NFIB: variants seen among roughly 807,000 people sequenced by gnomAD.
The protein encoded by NFIB is nuclear factor 1 B-type.
NFIB carries 11 observed loss-of-function variants against 61.5 expected under a neutral mutation model. The observed-to-expected ratio is 0.18, with a 90% CI of 0.11 to 0.30. NFIB has a LOEUF of 0.30. NFIB is among the 10% of genes least tolerant of loss of function. The pLI is 1.00. For missense variants in NFIB, 471 were observed against 608.9 expected (o/e 0.77, Z 2.38); for synonymous variants, 260 against 216.5 (o/e 1.20, Z -1.76).
chr9:14,494,145 A>T, the NFIB span, among the ~76,000 whole-genome samples: 3 of 152,178 alleles, frequency 2.0e-5, no homozygotes, highest in Non-Finnish European at 4.4e-5. Flanking sequence ...TCAGTCCTCC[A>T]CTCATTAGGC....
At chr9:14,298,916 A>G (rs2132628072) in intron 2 of NFIB, among the ~76,000 whole-genome samples, 1 of 152,330 alleles carries the variant, frequency 6.6e-6, no homozygotes, top group East Asian at 1.9e-4. Flanking sequence ...AGGGTTCCTG[A>G]CACCAAGGCC....
chr9:14,410,032 C>A, the NFIB span, among the ~76,000 whole-genome samples: 1 of 152,028 alleles, frequency 6.6e-6, no homozygotes, highest in Non-Finnish European at 1.5e-5. Flanking sequence ...ACAGGAATGT[C>A]TTTTATGTGC....
chr9:14,093,965 C>G (rs912626726), intron 10 of NFIB, among the ~76,000 whole-genome samples: 2 of 152,064 alleles, frequency 1.3e-5, no homozygotes, highest in African/African-American at 4.8e-5. Flanking sequence ...TTGCCAGGTA[C>G]TGTTCTACAT....
intron 2 of NFIB, among the ~76,000 whole-genome samples, chr9:14,228,484 G>A (rs1031698675): frequency 6.6e-6 from 1 of 152,016 alleles, no homozygotes; most frequent in African/African-American, 2.4e-5. Context: ...ATCCGGCCAC[G>A]ATTCTTAATA....
chr9:14,391,991 G>T (rs2061627835), intron 1 of NFIB, among the ~76,000 whole-genome samples: 1 of 152,188 alleles, frequency 6.6e-6, no homozygotes, highest in Non-Finnish European at 1.5e-5. Context: ...GTTTGCTGAA[G>T]ACCCAGGTGG....
the NFIB span, among the ~76,000 whole-genome samples, chr9:14,466,685 C>A: frequency 6.6e-6 from 1 of 152,204 alleles, no homozygotes; most frequent in African/African-American, 2.4e-5. Context: ...CCTCTGCCCC[C>A]CAGGGTCTGC....
At chr9:14,467,520 G>C in the NFIB span, among the ~76,000 whole-genome samples, 1 of 152,084 alleles carries the variant, frequency 6.6e-6, no homozygotes, top group Non-Finnish European at 1.5e-5. Context: ...CTCTTACTGG[G>C]GTGAAGGGAT....
chr9:14,428,779 G>T, the NFIB span, among the ~76,000 whole-genome samples: 6 of 152,184 alleles, frequency 3.9e-5, no homozygotes, highest in Non-Finnish European at 1.5e-5. Flanking sequence ...ATTGCAGGTG[G>T]AGTCTGGTCC....
At chr9:14,201,672 T>C (rs1316959673) in intron 2 of NFIB, among the ~76,000 whole-genome samples, 2 of 152,142 alleles carry the variant, frequency 1.3e-5, no homozygotes, top group East Asian at 3.9e-4. Context: ...TGTGACCTCC[T>C]GTATCCCAAC....
intron 1 of NFIB, chr9:14,322,083 A>C: frequency 3.2e-5 from 1 of 31,006 alleles, no homozygotes; most frequent in African/African-American, 6.4e-5. Flanking sequence ...AGTTAAAAAA[A>C]AAAAAAAAAA....
chr9:14,339,541 T>C (rs551958754), intron 1 of NFIB, among the ~76,000 whole-genome samples: 2 of 152,350 alleles, frequency 1.3e-5, no homozygotes, highest in South Asian at 4.1e-4. Context: ...TGGCTCTTGC[T>C]GCTCTCACTG....
chr9:14,229,884 C>T (rs1310804452), intron 2 of NFIB, among the ~76,000 whole-genome samples: 1 of 152,214 alleles, frequency 6.6e-6, no homozygotes, highest in East Asian at 1.9e-4. Context: ...TCACCACAAC[C>T]TCCGCCTCCC....
intron 8 of NFIB, among the ~76,000 whole-genome samples, chr9:14,118,382 A>G (rs764913308): frequency 6.6e-5 from 10 of 152,124 alleles, no homozygotes; most frequent in African/African-American, 2.2e-4. Flanking sequence ...GCCACCAAAT[A>G]TATTATCCTA....
At chr9:14,316,536 G>C (rs760897917), upstream of NFIB, among the ~76,000 whole-genome samples, 15 of 152,248 alleles carry the variant, frequency 9.9e-5, no homozygotes, top group Non-Finnish European at 1.8e-4. Context: ...AATTTCCTTT[G>C]TGCGGGTCAT....
At chr9:14,295,630 C>CAA (rs1281952239) in intron 2 of NFIB, among the ~76,000 whole-genome samples, 1 of 99,418 alleles carries the variant, frequency 1.0e-5, no homozygotes, top group Non-Finnish European at 2.2e-5. Context: ...GACTCCTTCT[C>CAA]AAAAAACAAA....
chr9:14,320,841 T>G (rs1229019021), intron 1 of NFIB, among the ~76,000 whole-genome samples: 7 of 152,188 alleles, frequency 4.6e-5, no homozygotes, highest in Non-Finnish European at 8.8e-5. Context: ...TATTGGAAGT[T>G]AAAGTTACAA....
At chr9:14,366,191 C>T (rs2061297889) in intron 1 of NFIB, among the ~76,000 whole-genome samples, 1 of 152,186 alleles carries the variant, frequency 6.6e-6, no homozygotes, top group Admixed American at 6.5e-5. Context: ...TGAATCTGGG[C>T]ATCGTCCCAG....
chr9:14,450,230 T>C, the NFIB span, among the ~76,000 whole-genome samples: 6 of 152,128 alleles, frequency 3.9e-5, no homozygotes, highest in Admixed American at 2.6e-4. Context: ...TTTGGTTTTC[T>C]GTCCTTGTGA....
At chr9:14,408,187 C>G in the NFIB span, among the ~76,000 whole-genome samples, 3 of 152,156 alleles carry the variant, frequency 2.0e-5, no homozygotes, top group African/African-American at 7.2e-5. Context: ...AATCCAATAA[C>G]ATGAGCCACG....
Sources: allele counts gnomAD v4.1 joint callset (sites outside exome capture counted in the v4.1 genomes callset), GRCh38; gene constraint gnomAD v4.1.1; transcripts MANE v1.5; gene names NCBI Gene and HGNC (gene_info 2026-07-23, HGNC 2026-07-21).